Variants in MROH9 observed in about 807,000 individuals in gnomAD.
The protein encoded by MROH9 is maestro heat-like repeat-containing protein family member 9.
In MROH9, 92 loss-of-function variants were observed where a neutral mutation model predicts 98.2. That is an observed-to-expected ratio of 0.94 (90% CI 0.79 to 1.11). The LOEUF (loss-of-function observed/expected upper bound fraction) is 1.11, where lower values mean the gene tolerates loss of function less well. MROH9 is among the 50% of genes most tolerant of loss of function. The probability of loss-of-function intolerance (pLI) is 0.00; values close to 1 mark genes in which losing one functional copy is unlikely to be tolerated. For synonymous variants in MROH9, 397 were observed against 368.9 expected (o/e 1.08, Z -0.87); for missense variants, 1,057 against 1,014.8 (o/e 1.04, Z -0.57).
At chr1:170,997,880 G>A (rs1651641668) in intron 14 of MROH9, among the ~76,000 whole-genome samples, 1 of 152,182 alleles carries the variant, frequency 6.6e-6, no homozygotes, top group South Asian at 2.1e-4. Flanking sequence ...TTGATGGGGA[G>A]CTTGCACTAA....
At chr1:171,043,573 G>A (rs189625433) in intron 20 of MROH9, among the ~76,000 whole-genome samples, 6 of 151,860 alleles carry the variant, frequency 4.0e-5, no homozygotes, top group Admixed American at 1.3e-4. Context: ...GCTTTGTGTA[G>A]TATGGACATT....
At chr1:171,007,803 T>G (rs1557895840) in intron 15 of MROH9, among the ~76,000 whole-genome samples, 1 of 152,162 alleles carries the variant, frequency 6.6e-6, no homozygotes. Context: ...CCTGGTTTCC[T>G]TGGTGGATGA....
chr1:170,991,750 T>C (rs1306769703), intron 11 of MROH9, among the ~76,000 whole-genome samples: 4 of 152,144 alleles, frequency 2.6e-5, no homozygotes, highest in Non-Finnish European at 5.9e-5. Context: ...ATTTTTTAAT[T>C]TTTATATTAA....
At chr1:171,037,013 A>C (rs1008598782) in intron 20 of MROH9, among the ~76,000 whole-genome samples, 5 of 151,608 alleles carry the variant, frequency 3.3e-5, no homozygotes, top group African/African-American at 1.2e-4. Flanking sequence ...TTATGAAAGG[A>C]CACACAAGAG....
rs1290997853 is a variant in MROH9 at position 170,989,944 on chromosome 1, A to T, written c.969A>T (p.Thr323=). The T allele has an allele frequency of 6.2e-7, 1 of 1,613,494 alleles. No individual in the cohort carries two copies. The highest frequency in any genetic ancestry group is 1.7e-5 in the Admixed American group (1 of 59,942). Residue 323 remains threonine, a synonymous_variant, in exon 11 of 22, where the codon ACA becomes ACT. Transcript: ENST00000367759. Reference sequence around the variant, plus strand: ...TGTTGCAGGTTATCACTTTGTTGACATGCACTTCACCCAAGAAGGTCATCT... The same window carrying T: ...TGTTGCAGGTTATCACTTTGTTGACTTGCACTTCACCCAAGAAGGTCATCT... ...DVMLQVITLL[T]CTSPKKVIFQ... is the part of the protein sequence containing the mutation.
chr1:171,002,603 G>A (rs527969217), intron 15 of MROH9, among the ~76,000 whole-genome samples: 1 of 152,278 alleles, frequency 6.6e-6, no homozygotes, highest in South Asian at 2.1e-4. Context: ...AGATTGTAGG[G>A]TTTATGCCGA....
chr1:170,998,123 T>C, intron 14 of MROH9, 31 bp from the exon 15 acceptor site: 1 of 1,543,372 alleles, frequency 6.5e-7, no homozygotes, highest in Non-Finnish European at 8.8e-7. Flanking sequence ...TTTTCTCCTT[T>C]GCTAATTCAG....
At chr1:170,967,256 G>A (rs1417257067) in intron 7 of MROH9, among the ~76,000 whole-genome samples, 1 of 152,158 alleles carries the variant, frequency 6.6e-6, no homozygotes, top group Non-Finnish European at 1.5e-5. Context: ...CCAGGTGGAA[G>A]TACTTCAGTA....
intron 7 of MROH9, among the ~76,000 whole-genome samples, chr1:170,971,154 T>C (rs1428295442): frequency 6.6e-6 from 1 of 152,164 alleles, no homozygotes; most frequent in Non-Finnish European, 1.5e-5. Context: ...AAAATCTAAA[T>C]ATTTGATCAG....
chr1:171,048,262 G>A (rs1653528869), intron 20 of MROH9, among the ~76,000 whole-genome samples: 1 of 152,200 alleles, frequency 6.6e-6, no homozygotes, highest in Non-Finnish European at 1.5e-5. Context: ...CAGGACATGA[G>A]TGGAGGGGTT....
intron 13 of MROH9, 83 bp downstream of exon 13, chr1:170,995,614 G>C: frequency 6.8e-7 from 1 of 1,461,906 alleles, no homozygotes; most frequent in East Asian, 2.3e-5. Flanking sequence ...GTTCATATGG[G>C]ATTCTTTACA....
At chr1:171,044,405 A>T (rs766195093) in intron 20 of MROH9, among the ~76,000 whole-genome samples, 3 of 152,138 alleles carry the variant, frequency 2.0e-5, no homozygotes, top group Non-Finnish European at 4.4e-5. Context: ...TTCATCAGAG[A>T]TACTGGCCCA....
At chr1:170,970,829 A>G (rs780935575) in intron 7 of MROH9, among the ~76,000 whole-genome samples, 2 of 151,734 alleles carry the variant, frequency 1.3e-5, no homozygotes, top group African/African-American at 2.4e-5. Context: ...TGGGGCATGA[A>G]AAAGGTCAAC....
At chr1:171,044,080 T>C (rs1653389788) in intron 20 of MROH9, among the ~76,000 whole-genome samples, 1 of 152,178 alleles carries the variant, frequency 6.6e-6, no homozygotes, top group African/African-American at 2.4e-5. Context: ...TTTTTCCCCA[T>C]TCAGTATGAT....
chr1:170,983,472 CCTT>C lies in MROH9; in HGVS notation c.673_675del (p.Ser225del), dbSNP rs762206507. ...CGGTAAAAGTCATAGCCTCCAGTTT[CCTT>C]CTTCTGATGTAGAATTTCTACCCAA... On this transcript the variant is annotated inframe_deletion, in exon 9 of 22. Transcript: ENST00000367759. The C allele has an allele frequency of 1.4e-5, 22 of 1,613,256 alleles. No homozygotes were observed. In the African/African-American group the frequency reaches 2.9e-4, roughly 22 times the overall value.
intron 3 of MROH9, among the ~76,000 whole-genome samples, chr1:170,954,296 GCTA>G (rs1649677170): frequency 6.6e-6 from 1 of 151,846 alleles, no homozygotes; most frequent in Non-Finnish European, 1.5e-5. Context: ...ACTCCTATTA[GCTA>G]CATATTGAAT....
chr1:170,949,362 A>G (rs1249462593), intron 3 of MROH9, among the ~76,000 whole-genome samples: 1 of 152,058 alleles, frequency 6.6e-6, no homozygotes, highest in African/African-American at 2.4e-5. Flanking sequence ...ATCTAGAATG[A>G]AGACTAGTCA....
chr1:171,015,042 T>C (rs1476510177), intron 16 of MROH9: 1 of 471,870 alleles, frequency 2.1e-6, no homozygotes, highest in Admixed American at 2.3e-5. Context: ...CCATTTTCTG[T>C]AATTCTACAC....
chr1:170,944,365 A>T (rs1183451449), intron 1 of MROH9, among the ~76,000 whole-genome samples: 1 of 151,934 alleles, frequency 6.6e-6, no homozygotes, highest in Non-Finnish European at 1.5e-5. Context: ...AACATCAAAT[A>T]ATAAAATATT....
Sources: allele counts gnomAD v4.1 joint callset (sites outside exome capture counted in the v4.1 genomes callset), GRCh38; gene constraint gnomAD v4.1.1; transcripts MANE v1.5; gene names NCBI Gene and HGNC (gene_info 2026-07-23, HGNC 2026-07-21).